CPA6: variants seen among roughly 807,000 people sequenced by gnomAD.
CPA6 encodes carboxypeptidase B.
CPA6 carries 58 observed loss-of-function variants against 63.3 expected under a neutral mutation model. That is an observed-to-expected ratio of 0.92 (90% CI 0.74 to 1.14). The LOEUF (loss-of-function observed/expected upper bound fraction) is 1.14. Among genes scored for constraint, CPA6 ranks in the 50% most tolerant of loss-of-function variants. The pLI, the probability that CPA6 is intolerant of heterozygous loss-of-function variation, is 0.00. For synonymous variants in CPA6, 185 were observed against 179.0 expected (o/e 1.03, Z -0.27); for missense variants, 565 against 526.6 (o/e 1.07, Z -0.71).
intron 5 of CPA6, among the ~76,000 whole-genome samples, chr8:67,508,523 A>C (rs1431253949): frequency 1.3e-5 from 2 of 152,130 alleles, no homozygotes; most frequent in African/African-American, 4.8e-5. Flanking sequence ...CTGTGGTATG[A>C]AAGTAAGGCT....
intron 8 of CPA6, among the ~76,000 whole-genome samples, chr8:67,439,254 T>C (rs1252512266): frequency 2.0e-5 from 3 of 151,994 alleles, no homozygotes; most frequent in Admixed American, 1.3e-4. Context: ...GATGGTGCCA[T>C]TGCACTCTAG....
At chr8:67,648,798 TTTTA>T (rs1329347347) in intron 1 of CPA6, among the ~76,000 whole-genome samples, 1 of 152,228 alleles carries the variant, frequency 6.6e-6, no homozygotes, top group Non-Finnish European at 1.5e-5. Context: ...TAAACTAGCC[TTTTA>T]TTTGTTAACC....
intron 1 of CPA6, among the ~76,000 whole-genome samples, chr8:67,705,881 C>A (rs1006850754): frequency 6.6e-6 from 1 of 152,034 alleles, no homozygotes; most frequent in African/African-American, 2.4e-5. Flanking sequence ...GCAGTACAAA[C>A]CAAAACTTCC....
intron 8 of CPA6, among the ~76,000 whole-genome samples, chr8:67,450,000 G>A (rs1362130808): frequency 2.0e-5 from 3 of 151,902 alleles, no homozygotes; most frequent in Admixed American, 2.0e-4. Flanking sequence ...ATTTTTAGTA[G>A]AGACGGGGTT....
At chr8:67,531,657 A>G (rs1298186337) in intron 2 of CPA6, among the ~76,000 whole-genome samples, 3 of 152,164 alleles carry the variant, frequency 2.0e-5, no homozygotes, top group Non-Finnish European at 4.4e-5. Context: ...TGCATCCAAC[A>G]TTGATACAAC....
At chr8:67,466,736 A>G (rs562541693) in intron 8 of CPA6, among the ~76,000 whole-genome samples, 2 of 152,296 alleles carry the variant, frequency 1.3e-5, no homozygotes, top group South Asian at 4.2e-4. Context: ...TTCAAGAACA[A>G]GTTGGTTAAT....
intron 1 of CPA6, among the ~76,000 whole-genome samples, chr8:67,634,983 G>T (rs1301477687): frequency 1.3e-5 from 2 of 151,352 alleles, no homozygotes; most frequent in Admixed American, 1.3e-4. Context: ...AACCTCTCAG[G>T]CTCAAGCATC....
At chr8:67,454,308 C>T (rs1466930368) in intron 8 of CPA6, among the ~76,000 whole-genome samples, 1 of 152,164 alleles carries the variant, frequency 6.6e-6, no homozygotes, top group Non-Finnish European at 1.5e-5. Context: ...CTGTTGAATA[C>T]CAAATCCCTT....
intron 2 of CPA6, among the ~76,000 whole-genome samples, chr8:67,538,702 G>A (rs1259580571): frequency 1.3e-5 from 2 of 151,772 alleles, no homozygotes; most frequent in East Asian, 1.9e-4. Flanking sequence ...CTCTGTTGCC[G>A]AGGCTGGAGT....
chr8:67,502,157 A>G (rs1377457230), intron 6 of CPA6, among the ~76,000 whole-genome samples: 1 of 152,024 alleles, frequency 6.6e-6, no homozygotes, highest in African/African-American at 2.4e-5. Context: ...AGCTTTGTCA[A>G]TTTTATCTAT....
At chr8:67,663,646 G>A (rs1289006631) in intron 1 of CPA6, among the ~76,000 whole-genome samples, 1 of 152,122 alleles carries the variant, frequency 6.6e-6, no homozygotes, top group African/African-American at 2.4e-5. Context: ...TCCCGCGTTA[G>A]TTGGCTGGGG....
At position 67,489,733 on chromosome 8, in the gene CPA6, T is replaced by C. The variant is rs573862649; in HGVS notation, c.637-4944A>G. On this transcript the variant is annotated intron_variant, in intron 6 of 10. Coordinates refer to ENST00000297770, the MANE Select transcript of CPA6 (RefSeq NM_020361.5). ...ATTATTGTTTGTATTACCTATATTC[T>C]TACTAAAAATTTGTCTGCTATTTTA... 3.9e-5 allele frequency among the ~76,000 whole-genome samples: 6 copies of C among 152,306 alleles called. 1 individual carries two copies. Among genetic ancestry groups the C allele is most frequent in the African/African-American group, 1.4e-4 (6 of 41,576 alleles).
chr8:67,733,250 G>A (rs1162857545), intron 1 of CPA6, among the ~76,000 whole-genome samples: 1 of 147,476 alleles, frequency 6.8e-6, no homozygotes, highest in East Asian at 2.0e-4. Context: ...TCTATCACCT[G>A]GAGGGCTTGT....
At chr8:67,663,718 G>T (rs1816168666) in intron 1 of CPA6, among the ~76,000 whole-genome samples, 1 of 152,094 alleles carries the variant, frequency 6.6e-6, no homozygotes, top group African/African-American at 2.4e-5. Flanking sequence ...CTTTTTTACG[G>T]CTGCATAGGA....
At chr8:67,669,838 C>T (rs939551436) in intron 1 of CPA6, among the ~76,000 whole-genome samples, 8 of 150,718 alleles carry the variant, frequency 5.3e-5, no homozygotes, top group Non-Finnish European at 8.8e-5. Context: ...CTGGGAGCCA[C>T]GGGACATGGA....
chr8:67,564,887 T>A (rs1813299573), intron 2 of CPA6, among the ~76,000 whole-genome samples: 1 of 152,178 alleles, frequency 6.6e-6, no homozygotes, highest in African/African-American at 2.4e-5. Context: ...AAGATAACAC[T>A]ATCGTTATGA....
intron 8 of CPA6, among the ~76,000 whole-genome samples, chr8:67,475,881 CCTTTCTTTCTTT>C (rs763576613): frequency 0.026 from 1,128 of 43,012 alleles, 45 homozygotes; most frequent in Middle Eastern, 0.045. Context: ...CTTTCTTTCT[CCTTTCTTTCTTT>C]CTTTCTTTCT....
chr8:67,706,523 G>A (rs1293189949), intron 1 of CPA6, among the ~76,000 whole-genome samples: 1 of 152,058 alleles, frequency 6.6e-6, no homozygotes. Flanking sequence ...TGGTCTAGAG[G>A]GTTAAAGGAT....
chr8:67,518,270 T>C (rs1389970556), intron 2 of CPA6, among the ~76,000 whole-genome samples: 2 of 152,164 alleles, frequency 1.3e-5, no homozygotes, highest in African/African-American at 4.8e-5. Context: ...CAAATAATAG[T>C]TTGAAGACCA....
Sources: gnomAD v4.1 joint callset for allele counts (sites outside exome capture counted in the v4.1 genomes callset) on GRCh38, gnomAD v4.1.1 for gene constraint, MANE v1.5 for transcripts, NCBI Gene and HGNC (gene_info 2026-07-23, HGNC 2026-07-21) for gene names.